Variants in AFG1L observed in about 807,000 individuals in gnomAD.
AFG1L encodes the protein AFG1 like ATPase, also known as AFG1-like ATPase.
Under a neutral mutation model 62.2 loss-of-function variants are expected in AFG1L, and 53 were observed. That is an observed-to-expected ratio of 0.85 (90% CI 0.68 to 1.07). AFG1L has a LOEUF of 1.07. Among genes scored for constraint, AFG1L ranks in the 50% least tolerant of loss-of-function variants. The probability of loss-of-function intolerance (pLI) is 0.00; values close to 1 mark genes in which losing one functional copy is unlikely to be tolerated. For missense variants in AFG1L, 555 were observed against 590.5 expected, an observed-to-expected ratio of 0.94 and a Z score of 0.62; for synonymous variants, 228 against 210.3, an observed-to-expected ratio of 1.08 and a Z score of -0.73.
intron 2 of AFG1L, among the ~76,000 whole-genome samples, chr6:108,340,352 A>G (rs1351458071): frequency 6.9e-6 from 1 of 144,640 alleles, no homozygotes; most frequent in Non-Finnish European, 1.5e-5. Flanking sequence ...TCTAACAGAA[A>G]GTTATAATTT....
chr6:108,402,412 C>CACT (rs1462560474), intron 7 of AFG1L, among the ~76,000 whole-genome samples: 2 of 149,932 alleles, frequency 1.3e-5, no homozygotes, highest in East Asian at 3.9e-4. Context: ...TGCAGTGAGC[C>CACT]GAGATCACGC....
chr6:108,439,259 C>T (rs774655257), intron 7 of AFG1L, among the ~76,000 whole-genome samples: 11 of 152,212 alleles, frequency 7.2e-5, no homozygotes, highest in East Asian at 1.9e-4. Context: ...TCAGAGCAAA[C>T]GCTATATCTT....
intron 1 of AFG1L, among the ~76,000 whole-genome samples, chr6:108,301,822 T>C (rs909319611): frequency 6.6e-6 from 1 of 152,170 alleles, no homozygotes; most frequent in Non-Finnish European, 1.5e-5. Context: ...TTGATCCAGA[T>C]TTTTACATTA....
At chr6:108,457,788 A>G (rs983637477) in intron 8 of AFG1L, among the ~76,000 whole-genome samples, 3 of 152,122 alleles carry the variant, frequency 2.0e-5, no homozygotes, top group African/African-American at 4.8e-5. Flanking sequence ...TCTGCTGGTG[A>G]TGAATTTTCT....
intron 10 of AFG1L, among the ~76,000 whole-genome samples, chr6:108,501,308 A>T (rs1774191253): frequency 6.6e-6 from 1 of 152,148 alleles, no homozygotes; most frequent in African/African-American, 2.4e-5. Flanking sequence ...GAAATTTTTG[A>T]TAGTTACCAT....
At chr6:108,310,657 C>A (rs983589771) in intron 1 of AFG1L, among the ~76,000 whole-genome samples, 16 of 150,990 alleles carry the variant, frequency 1.1e-4, no homozygotes, top group Non-Finnish European at 2.1e-4. Flanking sequence ...TCACTGCAAC[C>A]TCCACCTCCC....
intron 10 of AFG1L, among the ~76,000 whole-genome samples, chr6:108,497,189 G>A (rs1473239889): frequency 2.0e-5 from 3 of 152,102 alleles, no homozygotes; most frequent in Non-Finnish European, 4.4e-5. Flanking sequence ...CAACTAAACT[G>A]ATTTGCTCTT....
intron 1 of AFG1L, among the ~76,000 whole-genome samples, chr6:108,311,641 T>C (rs57685509): frequency 0.024 from 3,606 of 150,636 alleles, 55 homozygotes; most frequent in Middle Eastern, 0.076. Flanking sequence ...GGATTACAGA[T>C]GCACTCCACC....
At chr6:108,457,002 C>A (rs1470413917) in intron 8 of AFG1L, among the ~76,000 whole-genome samples, 2 of 152,110 alleles carry the variant, frequency 1.3e-5, no homozygotes, top group Non-Finnish European at 2.9e-5. Context: ...ATACTCTTAT[C>A]ATGTCTGTAT....
At chr6:108,441,767 T>G (rs1429787907) in intron 7 of AFG1L, among the ~76,000 whole-genome samples, 1 of 150,942 alleles carries the variant, frequency 6.6e-6, no homozygotes, top group Admixed American at 6.6e-5. Flanking sequence ...AATTAAGTGC[T>G]AACATCTAAG....
chr6:108,377,458 G>A (rs908393216), intron 6 of AFG1L, among the ~76,000 whole-genome samples: 2 of 152,098 alleles, frequency 1.3e-5, no homozygotes, highest in African/African-American at 4.8e-5. Flanking sequence ...CATTCCTTTG[G>A]CACTTGCTTG....
chr6:108,415,447 A>C (rs1168415495), intron 7 of AFG1L, among the ~76,000 whole-genome samples: 1 of 152,234 alleles, frequency 6.6e-6, no homozygotes, highest in Non-Finnish European at 1.5e-5. Context: ...GAATCAAAAA[A>C]GAGCCCACAT....
At chr6:108,405,555 C>A (rs1479608162) in intron 7 of AFG1L, among the ~76,000 whole-genome samples, 1 of 152,100 alleles carries the variant, frequency 6.6e-6, no homozygotes, top group African/African-American at 2.4e-5. Context: ...CTATGTTTCC[C>A]AGGCTGGTCT....
At chr6:108,327,460 T>A (rs1778093400) in intron 2 of AFG1L, among the ~76,000 whole-genome samples, 1 of 152,190 alleles carries the variant, frequency 6.6e-6, no homozygotes, top group African/African-American at 2.4e-5. Context: ...AAGATCAAAG[T>A]GCTGGCAAAT....
intron 8 of AFG1L, among the ~76,000 whole-genome samples, chr6:108,451,046 G>A (rs1360402452): frequency 6.6e-6 from 1 of 151,870 alleles, no homozygotes; most frequent in East Asian, 1.9e-4. Context: ...ATTACCATCT[G>A]GCCAGACATC....
chr6:108,500,272 C>A (rs936526296), intron 10 of AFG1L, among the ~76,000 whole-genome samples: 15 of 150,488 alleles, frequency 1.0e-4, no homozygotes, highest in East Asian at 3.9e-4. Flanking sequence ...AGTGCTGGGA[C>A]TACAGGCATG....
intron 7 of AFG1L, among the ~76,000 whole-genome samples, chr6:108,414,842 T>G (rs1025067371): frequency 6.6e-6 from 1 of 152,140 alleles, no homozygotes; most frequent in Non-Finnish European, 1.5e-5. Flanking sequence ...CTGGAAGCAT[T>G]CCCTTTGAAA....
At chr6:108,470,227 T>A (rs542706521) in intron 8 of AFG1L, among the ~76,000 whole-genome samples, 43 of 152,342 alleles carry the variant, frequency 2.8e-4, no homozygotes, top group Middle Eastern at 6.8e-3. Flanking sequence ...CCCTCATCAC[T>A]TGCCTTTGGG....
intron 11 of AFG1L, among the ~76,000 whole-genome samples, chr6:108,515,201 T>A (rs1052557163): frequency 1.3e-5 from 2 of 152,190 alleles, no homozygotes; most frequent in East Asian, 1.9e-4. Flanking sequence ...ATACATTCTT[T>A]TCAGCACCAC....
Sources: gnomAD v4.1 joint callset for allele counts (sites outside exome capture counted in the v4.1 genomes callset) on GRCh38, gnomAD v4.1.1 for gene constraint, MANE v1.5 for transcripts, NCBI Gene and HGNC (gene_info 2026-07-23, HGNC 2026-07-21) for gene names.